CDH12: variants seen among roughly 807,000 people sequenced by gnomAD.
CDH12 encodes the protein cadherin 12.
A neutral mutation model predicts 74.1 loss-of-function variants in CDH12; 41 were observed. The observed-to-expected ratio is 0.55, with a 90% confidence interval of 0.43 to 0.72. The LOEUF is 0.72. CDH12 is among the 30% of genes least tolerant of loss of function. The pLI, the probability that CDH12 is intolerant of heterozygous loss-of-function variation, is 0.00. For missense variants in CDH12, 945 were observed against 977.2 expected, an observed-to-expected ratio of 0.97 and a Z score of 0.44; for synonymous variants, 399 against 355.0, an observed-to-expected ratio of 1.12 and a Z score of -1.39.
intron 1 of CDH12, among the ~76,000 whole-genome samples, chr5:22,703,848 T>C (rs1269732811): frequency 6.6e-6 from 1 of 152,168 alleles, no homozygotes; most frequent in African/African-American, 2.4e-5. Context: ...CTCTACTGCC[T>C]TTCTTCACAA....
chr5:22,709,238 C>T (rs1316092244), intron 1 of CDH12, among the ~76,000 whole-genome samples: 1 of 152,034 alleles, frequency 6.6e-6, no homozygotes, highest in Non-Finnish European at 1.5e-5. Context: ...GTAATGCAAA[C>T]AAATAATAAC....
intron 1 of CDH12, among the ~76,000 whole-genome samples, chr5:22,537,857 T>G (rs1737925719): frequency 6.6e-6 from 1 of 152,226 alleles, no homozygotes; most frequent in African/African-American, 2.4e-5. Context: ...CAGTATCACT[T>G]CTGAAGACTT....
intron 1 of CDH12, among the ~76,000 whole-genome samples, chr5:22,574,437 T>TG: frequency 6.6e-6 from 1 of 152,150 alleles, no homozygotes. Context: ...TCCCTTACAC[T>TG]GTGCCATTTA....
chr5:22,806,745 CAT>C (rs533616322), intron 1 of CDH12, among the ~76,000 whole-genome samples: 7 of 152,142 alleles, frequency 4.6e-5, no homozygotes, highest in South Asian at 2.1e-4. Flanking sequence ...AGCTTTTTTT[CAT>C]ATGTTTGTTG....
chr5:21,830,226 A>G (rs1313494980), intron 8 of CDH12, among the ~76,000 whole-genome samples: 1 of 149,628 alleles, frequency 6.7e-6, no homozygotes, highest in Admixed American at 6.7e-5. Flanking sequence ...AAAAAAAAAA[A>G]AAAAGAAATG....
In CDH12 at chr5:22,371,045, C is replaced by G. The variant is rs190107010; in HGVS notation, c.-333+34212G>C. 2.7e-3 allele frequency among the ~76,000 whole-genome samples: 416 copies of G among 152,174 alleles called. 2 individuals carry two copies. The highest frequency in any genetic ancestry group is 9.5e-3 in the African/African-American group (396 of 41,534). On this transcript the variant is annotated intron_variant, in intron 3 of 14. Transcript: ENST00000382254. ...AAAAAGAATAGCAGTCTGTAATATA[C>G]TAATTGGCAAATAAATGGAGGTCAA...
At chr5:21,830,089 C>T (rs1365699614) in intron 8 of CDH12, among the ~76,000 whole-genome samples, 2 of 147,748 alleles carry the variant, frequency 1.4e-5, no homozygotes, top group African/African-American at 5.0e-5. Context: ...ATCCCAGCTA[C>T]TTGGGAGGCT....
intron 3 of CDH12, among the ~76,000 whole-genome samples, chr5:22,217,876 A>T (rs1190558305): frequency 1.3e-5 from 2 of 151,668 alleles, no homozygotes; most frequent in Non-Finnish European, 3.0e-5. Flanking sequence ...GGTAGGGTAG[A>T]GTGGAATGTG....
chr5:22,702,296 G>A (rs1004454432), intron 1 of CDH12, among the ~76,000 whole-genome samples: 2 of 152,102 alleles, frequency 1.3e-5, no homozygotes, highest in Non-Finnish European at 2.9e-5. Context: ...CAATGGTAAG[G>A]GGTGTGTTTA....
chr5:22,843,345 T>C (rs570350577), intron 1 of CDH12, among the ~76,000 whole-genome samples: 3 of 152,044 alleles, frequency 2.0e-5, no homozygotes, highest in African/African-American at 7.2e-5. Flanking sequence ...ATGTTCTTTT[T>C]CTCTGTAGTA....
At position 21,939,216 on chromosome 5, in the gene CDH12, C is replaced by CTA. The variant is rs893665373; in HGVS notation, c.526+35873_526+35874dup. ...AAATGTAATATAAATATCATACCTTCTATATATATATATAAAATTATCAAA... is the reference window on the plus strand; with the variant it reads ...AAATGTAATATAAATATCATACCTTCTATATATATATATATAAAATTATCAAA... On this transcript the variant is annotated intron_variant, in intron 6 of 14. Coordinates refer to ENST00000382254, the MANE Select transcript of CDH12 (RefSeq NM_004061.5). Among the ~76,000 whole-genome samples, 17 of 144,366 alleles carry CTA rather than the reference C, an allele frequency of 1.2e-4. No homozygotes were observed. The South Asian group carries it at 2.4e-3, about 20-fold the overall frequency. The allele number at this position is 144,366 out of a possible 152,430, so 94.7% of individuals were successfully genotyped here. A position where few individuals can be genotyped will look rare whatever the true frequency, so the allele number is the denominator to read the frequency against.
At chr5:22,548,648 C>T (rs1738433288) in intron 1 of CDH12, among the ~76,000 whole-genome samples, 1 of 152,002 alleles carries the variant, frequency 6.6e-6, no homozygotes, top group Non-Finnish European at 1.5e-5. Flanking sequence ...AGAATCGGTG[C>T]CTCTTGTGTG....
chr5:22,519,940 T>C (rs1000438189), intron 1 of CDH12, among the ~76,000 whole-genome samples: 3 of 152,212 alleles, frequency 2.0e-5, no homozygotes, highest in Admixed American at 6.5e-5. Context: ...GGTAGCATAT[T>C]CGTTCTTATA....
chr5:21,802,249 C>A lies in CDH12; in HGVS notation c.1174G>T (p.Glu392Ter). 3 of 1,613,922 alleles carry A rather than the reference C, an allele frequency of 1.9e-6. No homozygotes were observed. The highest frequency in any genetic ancestry group is 2.5e-6 in the Non-Finnish European group (3 of 1,179,966). ...CCTACCGGAGTGTCTTCATAAACCT[C>A]CATGGTGTAGAGCGGCTTGCTGAAA... ...PVFSKPLYTMEVYEDTPVGTI... is the reference protein window; with the variant it reads ...PVFSKPLYTM The change falls in exon 10 of 15, where the codon GAG (glutamate) becomes TAG (stop). Residue 392 changes from glutamate (E) to a stop codon, truncating the protein, a stop_gained. Transcript: ENST00000382254. LOFTEE classifies it high-confidence loss of function.
chr5:22,734,883 T>G (rs947967789), intron 1 of CDH12, among the ~76,000 whole-genome samples: 2 of 151,922 alleles, frequency 1.3e-5, no homozygotes, highest in African/African-American at 4.8e-5. Context: ...TTATGTAAAT[T>G]TATCAATAAG....
At chr5:22,066,024 C>A (rs1268698567) in intron 5 of CDH12, among the ~76,000 whole-genome samples, 2 of 152,058 alleles carry the variant, frequency 1.3e-5, no homozygotes, top group Non-Finnish European at 2.9e-5. Flanking sequence ...AACAGAGAGT[C>A]CTTGCCCCTC....
intron 1 of CDH12, among the ~76,000 whole-genome samples, chr5:22,674,487 C>G (rs1741065408): frequency 6.6e-6 from 1 of 152,104 alleles, no homozygotes; most frequent in Non-Finnish European, 1.5e-5. Context: ...TCTTTATCAG[C>G]AGCATGAAAA....
At chr5:22,814,280 T>C (rs1003216695) in intron 1 of CDH12, among the ~76,000 whole-genome samples, 4 of 152,150 alleles carry the variant, frequency 2.6e-5, no homozygotes. Flanking sequence ...TAAACATATG[T>C]TTTAGTCACA....
At chr5:22,305,435 T>C (rs1738062840) in intron 3 of CDH12, among the ~76,000 whole-genome samples, 1 of 152,162 alleles carries the variant, frequency 6.6e-6, no homozygotes, top group Non-Finnish European at 1.5e-5. Flanking sequence ...CTCTCATCTG[T>C]TAAAAGAAGA....
Sources: allele counts gnomAD v4.1 joint callset (sites outside exome capture counted in the v4.1 genomes callset), GRCh38; gene constraint gnomAD v4.1.1; transcripts MANE v1.5; gene names NCBI Gene and HGNC (gene_info 2026-07-23, HGNC 2026-07-21).